The following NUDCD3 variants were observed in gnomAD, a reference collection of about 807,000 sequenced individuals.
NUDCD3 encodes the protein nudC domain-containing protein 3.
A neutral mutation model predicts 39.7 loss-of-function variants in NUDCD3; 13 were observed. That is an observed-to-expected ratio of 0.33 (90% CI 0.21 to 0.52). NUDCD3 has a LOEUF of 0.52. Ranked by LOEUF, NUDCD3 falls within the 20% of genes least tolerant of loss-of-function variation. The pLI is 0.96. For synonymous variants in NUDCD3, 175 were observed against 172.4 expected (o/e 1.02, Z -0.12); for missense variants, 453 against 458.1 (o/e 0.99, Z 0.10).
chr7:44,458,517 GGCATGGTGA>G (rs2116945555), intron 2 of NUDCD3, among the ~76,000 whole-genome samples: 1 of 152,122 alleles, frequency 6.6e-6, no homozygotes, highest in Admixed American at 6.5e-5. Context: ...AAATTAGCCA[GGCATGGTGA>G]GCATGCCTGT....
intron 3 of NUDCD3, among the ~76,000 whole-genome samples, chr7:44,405,520 A>AT (rs891647635): frequency 6.6e-6 from 1 of 152,256 alleles, no homozygotes; most frequent in Non-Finnish European, 1.5e-5. Flanking sequence ...TAATGTATGC[A>AT]TTAAGAAGAC....
chr7:44,397,593 C>A (rs1322928331), intron 4 of NUDCD3, among the ~76,000 whole-genome samples: 1 of 152,074 alleles, frequency 6.6e-6, no homozygotes, highest in Non-Finnish European at 1.5e-5. Context: ...TGCTTATTAG[C>A]CTTCTCATTT....
At chr7:44,488,976 TA>T (rs1800675385) in intron 1 of NUDCD3, among the ~76,000 whole-genome samples, 1 of 152,060 alleles carries the variant, frequency 6.6e-6, no homozygotes, top group Non-Finnish European at 1.5e-5. Context: ...ACTCAGTATA[TA>T]CTCCTTTCTC....
chr7:44,469,556 T>C (rs185151933), intron 2 of NUDCD3, among the ~76,000 whole-genome samples: 8 of 152,318 alleles, frequency 5.3e-5, no homozygotes, highest in African/African-American at 1.9e-4. Context: ...AAGATATTTA[T>C]CTAGTCTCAA....
intron 2 of NUDCD3, among the ~76,000 whole-genome samples, chr7:44,465,655 C>T (rs183926256): frequency 6.6e-6 from 1 of 152,080 alleles, no homozygotes; most frequent in Non-Finnish European, 1.5e-5. Flanking sequence ...ATCTCCTGAC[C>T]GGTACACCAG....
chr7:44,482,286 T>C (rs1585109599), intron 2 of NUDCD3, among the ~76,000 whole-genome samples: 2 of 152,066 alleles, frequency 1.3e-5, no homozygotes, highest in Non-Finnish European at 2.9e-5. Context: ...TCCCTAGAGC[T>C]GGGAGACGTT....
At position 44,485,203 on chromosome 7, in the gene NUDCD3, C is replaced by T; in HGVS notation, c.274G>A (p.Glu92Lys). The T allele has an allele frequency of 6.2e-7, 1 of 1,614,200 alleles. No individual in the cohort carries two copies. The highest frequency in any genetic ancestry group is 2.2e-5 in the East Asian group (1 of 44,890). The change falls in exon 2 of 6, where the codon GAA (glutamate) becomes AAA (lysine). Residue 92 changes from glutamate (E) to lysine (K), a missense_variant. Coordinates refer to ENST00000355451, the MANE Select transcript of NUDCD3 (RefSeq NM_015332.4). ...GACACAGTCTTGGCCTCTTCCTCTTCCTTTCTTCTGATTTTCTCTTCAAGT... is the reference window on the plus strand; with the variant it reads ...GACACAGTCTTGGCCTCTTCCTCTTTCTTTCTTCTGATTTTCTCTTCAAGT... Reference protein sequence around the residue: ...QELEEKIRRKEEEEAKTVSAA... With the variant: ...QELEEKIRRKKEEEAKTVSAA...
Position 44,392,422 on chromosome 7 carries a change from C to T in NUDCD3, c.850G>A (p.Asp284Asn), listed in dbSNP as rs763137837. 14 of 1,614,154 alleles carry T rather than the reference C, an allele frequency of 8.7e-6. No individual in the cohort carries two copies. Among genetic ancestry groups the T allele is most frequent in the East Asian group, 4.5e-5 (2 of 44,880 alleles). The change falls in exon 5 of 6, where the codon GAC becomes AAC. Residue 284 changes from aspartate to asparagine, a missense_variant. Asp to Asn is a conservative substitution (Grantham distance 23). Transcript: ENST00000355451. The part of the protein sequence containing the change: ...NAILEGEEPI[D>N]IDKINKERSM... ...CGCTCCTTGTTGATCTTGTCAATGTCGATGGGCTCTTCTCCCTCCAGGATG... is the reference window on the plus strand; with the variant it reads ...CGCTCCTTGTTGATCTTGTCAATGTTGATGGGCTCTTCTCCCTCCAGGATG...
intron 2 of NUDCD3, among the ~76,000 whole-genome samples, chr7:44,432,385 T>C (rs927586654): frequency 2.6e-5 from 4 of 152,220 alleles, no homozygotes; most frequent in Admixed American, 6.5e-5. Context: ...AAGAGTTTTG[T>C]CTAGGAAGCT....
chr7:44,454,357 AT>A (rs1485442319), intron 2 of NUDCD3, among the ~76,000 whole-genome samples: 2 of 152,166 alleles, frequency 1.3e-5, no homozygotes, highest in African/African-American at 4.8e-5. Flanking sequence ...AAATAAAAAA[AT>A]AAAAACTCCC....
At chr7:44,400,316 C>T (rs754060365) in intron 4 of NUDCD3, among the ~76,000 whole-genome samples, 30 of 152,234 alleles carry the variant, frequency 2.0e-4, no homozygotes, top group South Asian at 6.2e-4. Context: ...GCAGCCACCC[C>T]TGCCTGCCCT....
At chr7:44,405,922 G>A (rs895843728) in intron 3 of NUDCD3, among the ~76,000 whole-genome samples, 2 of 151,984 alleles carry the variant, frequency 1.3e-5, no homozygotes, top group Admixed American at 6.6e-5. Flanking sequence ...TCAGCCTCCC[G>A]AGTAACTGGG....
At chr7:44,484,879 T>C (rs763275401) in intron 2 of NUDCD3, 89 bp downstream of exon 2, 83 of 942,368 alleles carry the variant, frequency 8.8e-5, no homozygotes, top group Admixed American at 4.6e-4. Flanking sequence ...CAAGAATTAA[T>C]GTGTTACAAA....
At chr7:44,454,368 C>G (rs919973115) in intron 2 of NUDCD3, among the ~76,000 whole-genome samples, 1 of 152,036 alleles carries the variant, frequency 6.6e-6, no homozygotes, top group African/African-American at 2.4e-5. Flanking sequence ...TAAAAACTCC[C>G]ATGTCAAAAT....
chr7:44,379,386 TG>T lies in NUDCD3; in HGVS notation c.*6624del, dbSNP rs1221764681. 7.6e-5 allele frequency: 1 copy of T among 13,144 alleles called. No homozygotes were observed. Among genetic ancestry groups the T allele is most frequent in the Non-Finnish European group, 1.6e-4 (1 of 6,280 alleles). 0.8% of individuals were successfully genotyped at this position (13,144 alleles called of 1,614,324 possible). On this transcript the variant is annotated 3_prime_UTR_variant, in exon 6 of 6. Transcript: ENST00000355451. ...AGGCAGTTGGCGGGGCGGGGCGGGG[TG>T]GGGGGGAACAGGGGACAGGGGTGGT...
intron 5 of NUDCD3, among the ~76,000 whole-genome samples, chr7:44,390,425 C>T (rs541210118): frequency 2.6e-5 from 4 of 152,214 alleles, no homozygotes; most frequent in East Asian, 3.9e-4. Context: ...CTTTGACAAA[C>T]GCACAAATAC....
intron 2 of NUDCD3, chr7:44,484,455 C>T (rs1416917926): frequency 6.5e-6 from 1 of 153,500 alleles, no homozygotes; most frequent in African/African-American, 2.4e-5. Flanking sequence ...TTATTATCAC[C>T]TACATTTTAT....
rs1268859216 is a variant in NUDCD3, at chr7:44,379,393, G to C, written c.*6618C>G. On this transcript the variant is annotated 3_prime_UTR_variant, in exon 6 of 6. Coordinates refer to ENST00000355451, the MANE Select transcript of NUDCD3 (RefSeq NM_015332.4). ...TGGCGGGGCGGGGCGGGGTGGGGGG[G>C]AACAGGGGACAGGGGTGGTCACAGG... The C allele has an allele frequency of 8.9e-6, 1 of 112,366 alleles. No homozygotes were observed. Among genetic ancestry groups the C allele is most frequent in the Admixed American group, 9.6e-5 (1 of 10,400 alleles). 7.0% of individuals were successfully genotyped at this position (112,366 alleles called of 1,614,324 possible).
chr7:44,389,832 CAGAA>C (rs1479419729), intron 5 of NUDCD3, among the ~76,000 whole-genome samples: 2 of 151,778 alleles, frequency 1.3e-5, no homozygotes, highest in African/African-American at 4.8e-5. Context: ...AAAAGGGAAA[CAGAA>C]AGAAAGGAGG....
Sources: allele counts gnomAD v4.1 joint callset (sites outside exome capture counted in the v4.1 genomes callset), GRCh38; gene constraint gnomAD v4.1.1; transcripts MANE v1.5; gene names NCBI Gene and HGNC (gene_info 2026-07-23, HGNC 2026-07-21).